The following DNAJC16 variants were observed in gnomAD, a reference collection of about 807,000 sequenced individuals.
The protein encoded by DNAJC16 is dnaJ homolog subfamily C member 16.
A neutral mutation model predicts 92.7 loss-of-function variants in DNAJC16; 76 were observed. The ratio of observed to expected loss-of-function variants is 0.82; its 90% CI spans 0.68 to 0.99. The LOEUF is 0.99. Among genes scored for constraint, DNAJC16 ranks in the 50% least tolerant of loss-of-function variants. DNAJC16 has a pLI of 0.00. For synonymous variants in DNAJC16, 328 were observed against 358.7 expected (o/e 0.91, Z 0.97); for missense variants, 869 against 942.4 (o/e 0.92, Z 1.02).
intron 7 of DNAJC16, among the ~76,000 whole-genome samples, chr1:15,557,954 C>T (rs1638604143): frequency 1.3e-5 from 2 of 151,866 alleles, no homozygotes; most frequent in Non-Finnish European, 2.9e-5. Context: ...CTCCCGTTGC[C>T]CAGGCTGGTA....
At position 15,569,050 on chromosome 1, in the gene DNAJC16, C is replaced by T; in HGVS notation, c.*873C>T. ...GAGCCATAACTTGTAATCTTGTTCT[C>T]TGAACGTAGAGATAAGCTGCTATAA... is the stretch of plus-strand genomic sequence containing the variant. On this transcript the variant is annotated 3_prime_UTR_variant, in exon 15 of 15. Coordinates refer to ENST00000375847, the MANE Select transcript of DNAJC16 (RefSeq NM_015291.4). The T allele has an allele frequency of 9.8e-6, 2 of 204,322 alleles. No individual in the cohort carries two copies. The highest frequency in any genetic ancestry group is 2.0e-5 in the Non-Finnish European group (2 of 102,448). The allele number at this position is 204,322 out of a possible 1,614,324, so 12.7% of individuals were successfully genotyped here.
intron 3 of DNAJC16, among the ~76,000 whole-genome samples, chr1:15,535,873 A>G (rs892086469): frequency 6.7e-6 from 1 of 149,348 alleles, no homozygotes; most frequent in African/African-American, 2.5e-5. Context: ...GCAATCTCCC[A>G]CTCACCTCAC....
At chr1:15,559,918 C>T (rs1223063430) in intron 8 of DNAJC16, among the ~76,000 whole-genome samples, 1 of 151,962 alleles carries the variant, frequency 6.6e-6, no homozygotes, top group Non-Finnish European at 1.5e-5. Context: ...ACAAAATTAG[C>T]CGGGCATGGT....
At chr1:15,544,152 A>G (rs1638224826) in intron 4 of DNAJC16, among the ~76,000 whole-genome samples, 1 of 33,194 alleles carries the variant, frequency 3.0e-5, no homozygotes, top group Non-Finnish European at 5.4e-5. Flanking sequence ...GTATATGCAT[A>G]CACACACACA....
In DNAJC16 at chr1:15,546,872, G is replaced by A. The variant is rs1638320424; in HGVS notation, c.864+1G>A. The A allele has an allele frequency of 8.2e-6, 13 of 1,585,790 alleles. No homozygotes were observed. Among genetic ancestry groups the A allele is most frequent in the Non-Finnish European group, 1.0e-5 (12 of 1,162,834 alleles). ...GCCCATTGTGCCACTGTTATACAAG[G>A]TACTTTCTATGCTAGGATAATGGTT... On this transcript the variant is annotated splice_donor_variant, in intron 6 of 14. Coordinates refer to ENST00000375847, the MANE Select transcript of DNAJC16 (RefSeq NM_015291.4). LOFTEE classifies it high-confidence loss of function.
chr1:15,538,909 A>G (rs759302360), intron 4 of DNAJC16, among the ~76,000 whole-genome samples: 1 of 152,182 alleles, frequency 6.6e-6, no homozygotes, highest in Non-Finnish European at 1.5e-5. Flanking sequence ...GCATGTTTGT[A>G]TTTAGCCACA....
chr1:15,555,501 G>C (rs957788497), intron 7 of DNAJC16, among the ~76,000 whole-genome samples: 1 of 151,252 alleles, frequency 6.6e-6, no homozygotes, highest in Non-Finnish European at 1.5e-5. Flanking sequence ...TGGCCAACAT[G>C]GTGAAACCCC....
chr1:15,531,351 A>G (rs974366062), intron 2 of DNAJC16, among the ~76,000 whole-genome samples: 5 of 152,376 alleles, frequency 3.3e-5, no homozygotes, highest in Non-Finnish European at 5.9e-5. Flanking sequence ...GTTTTAGACC[A>G]TATTCCATGA....
At chr1:15,549,101 CT>C (rs1638381757) in intron 7 of DNAJC16, among the ~76,000 whole-genome samples, 1 of 152,184 alleles carries the variant, frequency 6.6e-6, no homozygotes, top group Non-Finnish European at 1.5e-5. Context: ...CAAGTACTAT[CT>C]TGCTAGAGGC....
intron 2 of DNAJC16, 25 bp from the exon 3 acceptor site, chr1:15,534,212 C>A: frequency 6.2e-7 from 1 of 1,613,406 alleles, no homozygotes; most frequent in South Asian, 1.1e-5. Context: ...CATCCTTTCT[C>A]ACCGCCTGCC....
chr1:15,550,248 C>T lies in DNAJC16; in HGVS notation c.1023+1820C>T, dbSNP rs1252689676. Among the ~76,000 whole-genome samples the T allele has an allele frequency of 3.0e-4, 45 of 152,198 alleles. 3 individuals are homozygous for T. Among genetic ancestry groups the T allele is most frequent in the Admixed American group, 2.9e-3 (45 of 15,284 alleles). ...ATCCAGGGTAAATGGATGAGGATTT[C>T]CTAAATTGGTCTTTCGGAACAGTTT... is the stretch of plus-strand genomic sequence containing the variant. On this transcript the variant is annotated intron_variant, in intron 7 of 14. Coordinates refer to ENST00000375847, the MANE Select transcript of DNAJC16 (RefSeq NM_015291.4).
chr1:15,563,865 C>CA, intron 9 of DNAJC16, 64 bp from the exon 10 acceptor site: 1 of 1,204,480 alleles, frequency 8.3e-7, no homozygotes, highest in Non-Finnish European at 1.1e-6. Flanking sequence ...AAAAAAAAAG[C>CA]AAACAACTGT....
At chr1:15,562,527 C>G (rs1033162293) in intron 9 of DNAJC16, among the ~76,000 whole-genome samples, 20 of 151,470 alleles carry the variant, frequency 1.3e-4, no homozygotes, top group African/African-American at 4.8e-4. Flanking sequence ...CTCTGTCTCC[C>G]AGGCTGGGAG....
In DNAJC16 at chr1:15,569,198, A is replaced by G. The variant is rs932136083; in HGVS notation, c.*1021A>G. ...CATGTCTTTGTATCAAGGAACTTAAAATTTCTCAACAATTGTATTTTGAAC... is the reference window on the plus strand; with the variant it reads ...CATGTCTTTGTATCAAGGAACTTAAGATTTCTCAACAATTGTATTTTGAAC... On this transcript the variant is annotated 3_prime_UTR_variant, in exon 15 of 15. Transcript: ENST00000375847. The G allele has an allele frequency of 4.6e-5, 7 of 152,978 alleles. No homozygotes were observed. Among genetic ancestry groups the G allele is most frequent in the Admixed American group, 1.3e-4 (2 of 15,286 alleles). 9.5% of individuals were successfully genotyped at this position (152,978 alleles called of 1,614,324 possible).
Position 15,563,986 on chromosome 1 carries a change from G to A in DNAJC16, c.1396G>A (p.Asp466Asn), listed in dbSNP as rs566558561. The A allele has an allele frequency of 2.1e-5, 34 of 1,614,200 alleles. No individual in the cohort carries two copies. In the South Asian group the frequency reaches 3.1e-4, roughly 15 times the overall value. ...AAGGGTGGTGTATAAAACCCTGGAA[G>A]ACCCTTGGATTGGGAGTGAGAGTGA... Reference protein sequence around the residue: ...AGRVVYKTLEDPWIGSESDKF... With the variant: ...AGRVVYKTLENPWIGSESDKF... The change falls in exon 10 of 15, where the codon GAC becomes AAC. Residue 466 changes from aspartate to asparagine, a missense_variant. Coordinates refer to ENST00000375847, the MANE Select transcript of DNAJC16 (RefSeq NM_015291.4).
rs1365179218 is a variant in DNAJC16 at position 15,534,295 on chromosome 1, G to T, written c.226G>T (p.Ala76Ser). ...AEDKFIQISKAYEILSNEEKR... is the reference protein window; with the variant it reads ...AEDKFIQISKSYEILSNEEKR... ...AGACAAGTTCATTCAAATCAGTAAG[G>T]CTTACGAGGTATCGTGTCCAGCTTT... The change falls in exon 3 of 15, where the codon GCT becomes TCT. Residue 76 changes from alanine (A) to serine (S), a missense_variant. Transcript: ENST00000375847. 1 of 1,614,046 alleles carries T rather than the reference G, an allele frequency of 6.2e-7. No homozygotes were observed. Among genetic ancestry groups the T allele is most frequent in the South Asian group, 1.1e-5 (1 of 91,066 alleles).
At chr1:15,564,189 G>A in intron 10 of DNAJC16, 78 bp downstream of exon 10, 7 of 1,581,160 alleles carry the variant, frequency 4.4e-6, no homozygotes, top group Non-Finnish European at 6.1e-6. Context: ...TTTCTGCTCA[G>A]AGCAGAGGTC....
chr1:15,564,116 G>A lies in DNAJC16; in HGVS notation c.1521+5G>A. Reference sequence around the variant, plus strand: ...CTGACCGATGAACTTGCCCCTGTGAGCATCGGGGCTGGGAAGGGTGGGACA... The same window carrying A: ...CTGACCGATGAACTTGCCCCTGTGAACATCGGGGCTGGGAAGGGTGGGACA... On this transcript the variant is annotated splice_donor_5th_base_variant and intron_variant, in intron 10 of 14. Transcript: ENST00000375847. 1 of 1,613,838 alleles carries A rather than the reference G, an allele frequency of 6.2e-7. No homozygotes were observed. The highest frequency in any genetic ancestry group is 8.5e-7 in the Non-Finnish European group (1 of 1,179,788).
Position 15,566,353 on chromosome 1 carries a change from G to C in DNAJC16, c.1778+173G>C, listed in dbSNP as rs914816126. On this transcript the variant is annotated intron_variant, in intron 13 of 14. Transcript: ENST00000375847. ...TGTGATTTGTGTTTACTAAGACCCT[G>C]TAGGTGTTTAGATGCCTTAGATTTC... is the stretch of plus-strand genomic sequence containing the variant. The C allele has an allele frequency of 7.1e-5, 43 of 608,538 alleles. No individual in the cohort carries two copies. In the African/African-American group the frequency reaches 7.2e-4, roughly 10 times the overall value. The allele number at this position is 608,538 out of a possible 1,614,324, so 37.7% of individuals were successfully genotyped here. A position where few individuals can be genotyped will look rare whatever the true frequency, so the allele number is the denominator to read the frequency against.
Sources: gnomAD v4.1 joint callset for allele counts (sites outside exome capture counted in the v4.1 genomes callset) on GRCh38, gnomAD v4.1.1 for gene constraint, MANE v1.5 for transcripts, NCBI Gene and HGNC (gene_info 2026-07-23, HGNC 2026-07-21) for gene names.